Variants in OSBPL6 observed in about 807,000 individuals in gnomAD.
OSBPL6 encodes the protein oxysterol-binding protein-related protein 6.
A neutral mutation model predicts 125.8 loss-of-function variants in OSBPL6; 49 were observed. The observed-to-expected ratio is 0.39, with a 90% confidence interval of 0.31 to 0.49. OSBPL6 has a LOEUF of 0.49. OSBPL6 is among the 20% of genes least tolerant of loss of function. The pLI, the probability that OSBPL6 is intolerant of heterozygous loss-of-function variation, is 0.88. For synonymous variants in OSBPL6, 394 were observed against 391.8 expected (o/e 1.01, Z -0.07); for missense variants, 986 against 1,135.4 (o/e 0.87, Z 1.89).
rs187862196 is a variant in OSBPL6, at chr2:178,300,492, G to A, written c.-155-5538G>A. Among the ~76,000 whole-genome samples, 319 of 152,334 alleles carry A rather than the reference G, an allele frequency of 2.1e-3. 1 individual carries two copies. The highest frequency in any genetic ancestry group is 3.6e-3 in the Non-Finnish European group (246 of 68,026). ...GCGGGGGCAGCGGGGACAGGGTCTC[G>A]CTCTGTCACCTAGGTGGGAGTGCAG... On this transcript the variant is annotated intron_variant, in intron 2 of 24. Transcript: ENST00000190611.
At chr2:178,311,516 AG>A (rs1453527707) in intron 3 of OSBPL6, among the ~76,000 whole-genome samples, 1 of 152,230 alleles carries the variant, frequency 6.6e-6, no homozygotes, top group East Asian at 1.9e-4. Flanking sequence ...CTATGAAAAC[AG>A]GGTTTTATTT....
At chr2:178,226,086 G>GA (rs1318976090) in intron 1 of OSBPL6, among the ~76,000 whole-genome samples, 24 of 152,350 alleles carry the variant, frequency 1.6e-4, no homozygotes, top group African/African-American at 5.5e-4. Context: ...AGCAAGGGAG[G>GA]AAGCTGTGTT....
intron 1 of OSBPL6, among the ~76,000 whole-genome samples, chr2:178,254,019 C>T (rs2091791609): frequency 6.6e-6 from 1 of 152,178 alleles, no homozygotes; most frequent in Non-Finnish European, 1.5e-5. Context: ...CAGGACTCTG[C>T]AGAGAGTCCC....
chr2:178,364,985 T>C (rs995475687), intron 13 of OSBPL6, among the ~76,000 whole-genome samples: 2 of 152,126 alleles, frequency 1.3e-5, no homozygotes, highest in Non-Finnish European at 2.9e-5. Flanking sequence ...GAGACCAGCC[T>C]GGCCAACAGG....
chr2:178,307,037 G>A (rs1161411027), intron 3 of OSBPL6, among the ~76,000 whole-genome samples: 1 of 152,138 alleles, frequency 6.6e-6, no homozygotes. Flanking sequence ...TCTTGGTTGT[G>A]TAACTGGAAA....
At chr2:178,353,321 C>G (rs1006321321) in intron 12 of OSBPL6, among the ~76,000 whole-genome samples, 1 of 152,152 alleles carries the variant, frequency 6.6e-6, no homozygotes, top group African/African-American at 2.4e-5. Context: ...CATGTTCTAA[C>G]CCATCACAAG....
At chr2:178,313,483 AT>A (rs1194459142) in intron 3 of OSBPL6, among the ~76,000 whole-genome samples, 3 of 152,214 alleles carry the variant, frequency 2.0e-5, no homozygotes, top group East Asian at 3.9e-4. Flanking sequence ...AAATGAGTCA[AT>A]TTTTTTGTTC....
intron 1 of OSBPL6, among the ~76,000 whole-genome samples, chr2:178,200,433 G>A (rs998071422): frequency 3.3e-5 from 5 of 151,694 alleles, no homozygotes; most frequent in Non-Finnish European, 7.4e-5. Flanking sequence ...TATATTCTTA[G>A]TAAAGATGGG....
At chr2:178,199,146 A>G (rs1338918124) in intron 1 of OSBPL6, among the ~76,000 whole-genome samples, 1 of 152,234 alleles carries the variant, frequency 6.6e-6, no homozygotes, top group African/African-American at 2.4e-5. Flanking sequence ...ATAGTAAAAT[A>G]TGACCAAAAT....
chr2:178,275,093 GATA>G (rs2092443980), intron 1 of OSBPL6, among the ~76,000 whole-genome samples: 1 of 152,154 alleles, frequency 6.6e-6, no homozygotes, highest in African/African-American at 2.4e-5. Context: ...GCCTGGAGGA[GATA>G]ATGACTGGGA....
intron 17 of OSBPL6, 97 bp from the exon 18 acceptor site, chr2:178,383,942 A>G: frequency 7.4e-7 from 1 of 1,359,094 alleles, no homozygotes; most frequent in South Asian, 1.4e-5. Context: ...ATCAACACCC[A>G]TCCACATGAG....
chr2:178,372,290 G>A (rs940114427), intron 14 of OSBPL6, 57 bp downstream of exon 14: 3 of 1,274,036 alleles, frequency 2.4e-6, no homozygotes, highest in African/African-American at 1.5e-5. Context: ...TAAATTTACT[G>A]CATATTTTTG....
At chr2:178,210,280 A>G (rs532375881) in intron 1 of OSBPL6, among the ~76,000 whole-genome samples, 3 of 151,958 alleles carry the variant, frequency 2.0e-5, no homozygotes, top group African/African-American at 7.2e-5. Context: ...CCGCCTCCCA[A>G]AGTGCTGGGA....
chr2:178,261,367 T>C (rs2092055437), intron 1 of OSBPL6, among the ~76,000 whole-genome samples: 1 of 150,240 alleles, frequency 6.7e-6, no homozygotes, highest in Non-Finnish European at 1.5e-5. Context: ...GAATTACTCA[T>C]GTTACTCCTC....
intron 1 of OSBPL6, among the ~76,000 whole-genome samples, chr2:178,245,447 G>T (rs2091454810): frequency 6.6e-6 from 1 of 152,166 alleles, no homozygotes. Flanking sequence ...CTGTGTAGTG[G>T]TATAGGACAT....
At chr2:178,209,913 C>CT (rs753165352) in intron 1 of OSBPL6, among the ~76,000 whole-genome samples, 33 of 151,772 alleles carry the variant, frequency 2.2e-4, no homozygotes, top group Non-Finnish European at 4.0e-4. Context: ...GACATGGTGC[C>CT]TTTTTTTCCC....
chr2:178,359,920 C>T (rs968408493), intron 12 of OSBPL6, among the ~76,000 whole-genome samples: 2 of 152,150 alleles, frequency 1.3e-5, no homozygotes, highest in Non-Finnish European at 2.9e-5. Context: ...AATCCCGTCT[C>T]TACTAAAATT....
At chr2:178,378,384 C>G (rs915162717) in intron 15 of OSBPL6, among the ~76,000 whole-genome samples, 1 of 152,152 alleles carries the variant, frequency 6.6e-6, no homozygotes, top group Non-Finnish European at 1.5e-5. Context: ...TGAGAAACAT[C>G]TGGGCATTAG....
chr2:178,341,722 A>T (rs1690214830), intron 11 of OSBPL6, among the ~76,000 whole-genome samples: 1 of 152,192 alleles, frequency 6.6e-6, no homozygotes, highest in Non-Finnish European at 1.5e-5. Flanking sequence ...TAAGCTGTTA[A>T]TCATTCCCAG....
Sources: allele counts gnomAD v4.1 joint callset (sites outside exome capture counted in the v4.1 genomes callset), GRCh38; gene constraint gnomAD v4.1.1; transcripts MANE v1.5; gene names NCBI Gene and HGNC (gene_info 2026-07-23, HGNC 2026-07-21).